The following UVRAG variants were observed in gnomAD, a reference collection of about 807,000 sequenced individuals.
UVRAG encodes the protein UV radiation resistance-associated gene protein.
Under a neutral mutation model 78.0 loss-of-function variants are expected in UVRAG, and 19 were observed. The ratio of observed to expected loss-of-function variants is 0.24; its 90% CI spans 0.17 to 0.36. The LOEUF (loss-of-function observed/expected upper bound fraction) is 0.36, where lower values mean the gene tolerates loss of function less well. Ranked by LOEUF, UVRAG falls within the 10% of genes least tolerant of loss-of-function variation. The pLI is 1.00. For synonymous variants in UVRAG, 323 were observed against 324.6 expected, an observed-to-expected ratio of 1.00 and a Z score of 0.05; for missense variants, 740 against 853.8, an observed-to-expected ratio of 0.87 and a Z score of 1.66.
intron 13 of UVRAG, among the ~76,000 whole-genome samples, chr11:76,095,914 C>T (rs953083173): frequency 9.3e-5 from 14 of 150,462 alleles, no homozygotes; most frequent in Non-Finnish European, 2.1e-4. Context: ...GAGATGCCAC[C>T]TCTGCTTTTA....
At chr11:75,893,195 A>G (rs1947258922) in intron 5 of UVRAG, among the ~76,000 whole-genome samples, 2 of 151,962 alleles carry the variant, frequency 1.3e-5, no homozygotes, top group African/African-American at 4.8e-5. Context: ...AAAGAAAAAA[A>G]GAAGAATTAT....
intron 13 of UVRAG, among the ~76,000 whole-genome samples, chr11:76,084,204 A>G (rs1020988520): frequency 6.6e-6 from 1 of 152,238 alleles, no homozygotes; most frequent in Non-Finnish European, 1.5e-5. Flanking sequence ...ATATTTCCTA[A>G]TCAGTGACAT....
At chr11:75,988,827 CT>C (rs1370258000) in intron 8 of UVRAG, among the ~76,000 whole-genome samples, 1 of 152,102 alleles carries the variant, frequency 6.6e-6, no homozygotes, top group Non-Finnish European at 1.5e-5. Context: ...GGCTGAGCAT[CT>C]TTTCTTGTGC....
chr11:75,836,764 A>C (rs1945785597), intron 1 of UVRAG, among the ~76,000 whole-genome samples: 1 of 152,168 alleles, frequency 6.6e-6, no homozygotes, highest in Admixed American at 6.5e-5. Context: ...AAAAGCATTA[A>C]ACTTTAACAT....
At chr11:76,023,629 C>T (rs1256802696) in intron 12 of UVRAG, among the ~76,000 whole-genome samples, 1 of 151,990 alleles carries the variant, frequency 6.6e-6, no homozygotes, top group African/African-American at 2.4e-5. Context: ...AGAATCTGAT[C>T]AAAAAATGAG....
At chr11:75,943,748 AT>A (rs1948531613) in intron 6 of UVRAG, among the ~76,000 whole-genome samples, 1 of 152,100 alleles carries the variant, frequency 6.6e-6, no homozygotes, top group African/African-American at 2.4e-5. Flanking sequence ...CCACGATGCT[AT>A]TTACTTTTCC....
intron 6 of UVRAG, among the ~76,000 whole-genome samples, chr11:75,936,682 G>T (rs1344707838): frequency 1.3e-5 from 2 of 151,990 alleles, no homozygotes; most frequent in Non-Finnish European, 2.9e-5. Flanking sequence ...TATTCCCTTT[G>T]CCCCTGGATT....
intron 13 of UVRAG, among the ~76,000 whole-genome samples, chr11:76,081,605 C>T (rs112729259): frequency 6.6e-6 from 1 of 151,978 alleles, no homozygotes; most frequent in East Asian, 1.9e-4. Flanking sequence ...TAATATTCTA[C>T]AATTTCTCCC....
intron 14 of UVRAG, among the ~76,000 whole-genome samples, chr11:76,119,524 C>A (rs1357923077): frequency 2.0e-5 from 3 of 152,170 alleles, no homozygotes; most frequent in Admixed American, 6.5e-5. Context: ...TCAGCCTCAA[C>A]ACAGCTAAAA....
chr11:76,137,366 C>T, intron 14 of UVRAG: 1 of 456,208 alleles, frequency 2.2e-6, no homozygotes. Flanking sequence ...CTGTAGTCCC[C>T]TTATTGTGTC....
At chr11:75,887,997 A>G (rs934369241) in intron 4 of UVRAG, among the ~76,000 whole-genome samples, 2 of 152,226 alleles carry the variant, frequency 1.3e-5, no homozygotes. Flanking sequence ...ATAATAGAAG[A>G]GAGTGGTTTG....
intron 13 of UVRAG, among the ~76,000 whole-genome samples, chr11:76,089,705 C>T (rs1221959171): frequency 1.3e-5 from 2 of 152,188 alleles, no homozygotes; most frequent in African/African-American, 4.8e-5. Flanking sequence ...CGACTTTCAA[C>T]AATCTTAGCA....
chr11:75,989,054 A>T (rs1195164551), intron 8 of UVRAG, among the ~76,000 whole-genome samples: 1 of 151,472 alleles, frequency 6.6e-6, no homozygotes, highest in Non-Finnish European at 1.5e-5. Context: ...CATTTTTTTT[A>T]AACTTTATTC....
chr11:76,079,936 A>C (rs2134407774), intron 13 of UVRAG, among the ~76,000 whole-genome samples: 1 of 152,318 alleles, frequency 6.6e-6, no homozygotes. Context: ...GTAATTAATA[A>C]AGAAAAGAGA....
At chr11:75,861,859 T>A in intron 3 of UVRAG, 79 bp downstream of exon 3, 1 of 1,245,012 alleles carries the variant, frequency 8.0e-7, no homozygotes, top group Non-Finnish European at 1.2e-6. Context: ...TAAAATAAGT[T>A]GAGGTTCAGC....
At chr11:75,966,036 C>T (rs1454818146) in intron 7 of UVRAG, among the ~76,000 whole-genome samples, 1 of 152,092 alleles carries the variant, frequency 6.6e-6, no homozygotes, top group East Asian at 1.9e-4. Flanking sequence ...GGAAGTTCCT[C>T]TTATTCCTAG....
chr11:75,861,913 C>T (rs1946429197), intron 3 of UVRAG, 133 bp downstream of exon 3: 1 of 722,524 alleles, frequency 1.4e-6, no homozygotes, highest in South Asian at 1.8e-5. Flanking sequence ...ATTGTTAAAT[C>T]ATCATTGTTT....
intron 13 of UVRAG, among the ~76,000 whole-genome samples, chr11:76,067,573 A>G (rs1306340268): frequency 2.6e-5 from 4 of 152,118 alleles, no homozygotes; most frequent in South Asian, 2.1e-4. Context: ...CCTGGGCAAC[A>G]TGGCAAAACC....
chr11:76,093,379 G>T (rs919560132), intron 13 of UVRAG, among the ~76,000 whole-genome samples: 72 of 152,100 alleles, frequency 4.7e-4, no homozygotes, highest in African/African-American at 1.5e-3. Context: ...AAGTAGTTTT[G>T]TCCAATTCTG....
Sources: allele counts gnomAD v4.1 joint callset (sites outside exome capture counted in the v4.1 genomes callset), GRCh38; gene constraint gnomAD v4.1.1; transcripts MANE v1.5; gene names NCBI Gene and HGNC (gene_info 2026-07-23, HGNC 2026-07-21).